The following GULP1 variants were observed in gnomAD, a reference collection of about 807,000 sequenced individuals.
GULP1 encodes PTB domain-containing engulfment adapter protein 1.
Under a neutral mutation model 40.9 loss-of-function variants are expected in GULP1, and 19 were observed. That is an observed-to-expected ratio of 0.46 (90% CI 0.32 to 0.68). GULP1 has a LOEUF of 0.68. GULP1 is among the 30% of genes least tolerant of loss of function. The pLI, the probability that GULP1 is intolerant of heterozygous loss-of-function variation, is 0.03. For missense variants in GULP1, 312 were observed against 362.2 expected, an observed-to-expected ratio of 0.86 and a Z score of 1.12; for synonymous variants, 119 against 117.6, an observed-to-expected ratio of 1.01 and a Z score of -0.08.
At chr2:188,569,973 A>T (rs748020874) in intron 8 of GULP1, 55 bp from the exon 9 acceptor site, 1 of 723,192 alleles carries the variant, frequency 1.4e-6, no homozygotes, top group Non-Finnish European at 2.4e-6. Flanking sequence ...ACTGTAGCCA[A>T]TATTTTCCAA....
In GULP1 at chr2:188,554,759, T is replaced by G. The variant is rs1023868285; in HGVS notation, c.399+13441T>G. ...GGGTTTTGGGCTCCCCCACTATTAT[T>G]GTATTGCAGTCTATCTCTTTAGATC... On this transcript the variant is annotated intron_variant, in intron 7 of 11. Transcript: ENST00000409830. Among the ~76,000 whole-genome samples, 7 of 152,086 alleles carry G rather than the reference T, an allele frequency of 4.6e-5. No homozygotes were observed. In the South Asian group the frequency reaches 1.4e-3, roughly 31 times the overall value.
chr2:188,352,646 A>ACACACACACACACACACACACACT (rs1484809150), intron 1 of GULP1, among the ~76,000 whole-genome samples: 1 of 151,220 alleles, frequency 6.6e-6, no homozygotes, highest in East Asian at 1.9e-4. Context: ...ACACACACAC[A>ACACACACACACACACACACACACT]CACGGTTCTG....
At chr2:188,448,557 G>T (rs1289594311) in intron 2 of GULP1, among the ~76,000 whole-genome samples, 1 of 152,146 alleles carries the variant, frequency 6.6e-6, no homozygotes, top group African/African-American at 2.4e-5. Context: ...CCAATTGTAT[G>T]ATCTTGGAAA....
intron 2 of GULP1, among the ~76,000 whole-genome samples, chr2:188,466,292 T>TTC (rs1553561612): frequency 6.8e-6 from 1 of 148,008 alleles, no homozygotes; most frequent in African/African-American, 2.6e-5. Context: ...GGTTTTTTTT[T>TTC]CCCCCCCCGG....
intron 2 of GULP1, among the ~76,000 whole-genome samples, chr2:188,433,196 G>C (rs1431463530): frequency 1.3e-5 from 2 of 152,110 alleles, no homozygotes; most frequent in African/African-American, 4.8e-5. Flanking sequence ...CAAATACTTG[G>C]AAGCAGAGGT....
chr2:188,461,185 G>T (rs186276440), intron 2 of GULP1, among the ~76,000 whole-genome samples: 4 of 152,174 alleles, frequency 2.6e-5, no homozygotes, highest in African/African-American at 7.2e-5. Context: ...AATGAATTTG[G>T]AAGTATTCCC....
chr2:188,589,731 G>T, intron 11 of GULP1: 1 of 1,385,400 alleles, frequency 7.2e-7, no homozygotes, highest in Non-Finnish European at 9.7e-7. Context: ...CTGCTTTCAT[G>T]GTGGGTAGCG....
chr2:188,342,438 C>A (rs529854339), intron 1 of GULP1, among the ~76,000 whole-genome samples: 1 of 152,218 alleles, frequency 6.6e-6, no homozygotes, highest in South Asian at 2.1e-4. Flanking sequence ...TTAGGGCCTA[C>A]CCTAAATCCA....
intron 1 of GULP1, among the ~76,000 whole-genome samples, chr2:188,376,969 C>T (rs573666767): frequency 1.3e-5 from 2 of 152,226 alleles, no homozygotes; most frequent in African/African-American, 4.8e-5. Context: ...GTCAGGATTT[C>T]GAGACCAGCC....
At chr2:188,369,879 T>G (rs1189657486) in intron 1 of GULP1, among the ~76,000 whole-genome samples, 1 of 152,194 alleles carries the variant, frequency 6.6e-6, no homozygotes, top group Non-Finnish European at 1.5e-5. Flanking sequence ...AGTCTCCCTC[T>G]GTCACCCACG....
chr2:188,403,143 A>C (rs2052552802), intron 2 of GULP1, among the ~76,000 whole-genome samples: 1 of 152,154 alleles, frequency 6.6e-6, no homozygotes, highest in Non-Finnish European at 1.5e-5. Flanking sequence ...TCTATGCTAG[A>C]CATATTACAT....
At chr2:188,293,869 T>C (rs1046867912) in intron 1 of GULP1, 1 of 152,266 alleles carries the variant, frequency 6.6e-6, no homozygotes, top group Non-Finnish European at 1.5e-5. Context: ...TTGCAGGGGC[T>C]AATTGGAAAG....
intron 4 of GULP1, among the ~76,000 whole-genome samples, chr2:188,487,059 A>G (rs1429843793): frequency 1.3e-5 from 2 of 151,962 alleles, no homozygotes; most frequent in Non-Finnish European, 2.9e-5. Context: ...TATAATTAGA[A>G]TGTTAATGCA....
At chr2:188,492,370 A>G (rs2062477793) in intron 4 of GULP1, among the ~76,000 whole-genome samples, 1 of 152,102 alleles carries the variant, frequency 6.6e-6, no homozygotes, top group Admixed American at 6.6e-5. Flanking sequence ...ATAACCCAGT[A>G]TAGACTTTTG....
At chr2:188,356,048 G>A (rs571911368) in intron 1 of GULP1, among the ~76,000 whole-genome samples, 68 of 151,926 alleles carry the variant, frequency 4.5e-4, no homozygotes, top group Non-Finnish European at 8.7e-4. Context: ...CATAATAAAA[G>A]CCATGTATGA....
At chr2:188,415,035 AT>A (rs1355312278) in intron 2 of GULP1, among the ~76,000 whole-genome samples, 2 of 152,162 alleles carry the variant, frequency 1.3e-5, no homozygotes, top group African/African-American at 4.8e-5. Flanking sequence ...GTTAGAATGC[AT>A]TGTTTAAAGA....
intron 1 of GULP1, among the ~76,000 whole-genome samples, chr2:188,374,083 GTA>G (rs1323081775): frequency 6.6e-6 from 1 of 151,974 alleles, no homozygotes; most frequent in Non-Finnish European, 1.5e-5. Context: ...CATACTTGAA[GTA>G]TATATAATTC....
intron 4 of GULP1, among the ~76,000 whole-genome samples, chr2:188,508,711 G>T (rs1162552962): frequency 2.0e-5 from 3 of 151,328 alleles, no homozygotes; most frequent in Non-Finnish European, 2.9e-5. Context: ...AAAATAATAA[G>T]AAAAAAAATG....
At chr2:188,399,495 C>T (rs111867762) in intron 2 of GULP1, among the ~76,000 whole-genome samples, 47 of 151,762 alleles carry the variant, frequency 3.1e-4, no homozygotes, top group African/African-American at 9.9e-4. Context: ...AGACGGAGGG[C>T]GAATATGGGG....
Sources: gnomAD v4.1 joint callset for allele counts (sites outside exome capture counted in the v4.1 genomes callset) on GRCh38, gnomAD v4.1.1 for gene constraint, MANE v1.5 for transcripts, NCBI Gene and HGNC (gene_info 2026-07-23, HGNC 2026-07-21) for gene names.